Variants in ERI3 observed in about 807,000 individuals in gnomAD.
ERI3 encodes ERI1 exoribonuclease 3.
A neutral mutation model predicts 44.4 loss-of-function variants in ERI3; 18 were observed. The ratio of observed to expected loss-of-function variants is 0.41; its 90% confidence interval spans 0.28 to 0.60. The LOEUF is 0.60. Among genes scored for constraint, ERI3 ranks in the 20% least tolerant of loss-of-function variants. The pLI is 0.36. For missense variants in ERI3, 294 were observed against 435.5 expected, an observed-to-expected ratio of 0.68 and a Z score of 2.89; for synonymous variants, 183 against 164.8, an observed-to-expected ratio of 1.11 and a Z score of -0.84.
At chr1:44,272,260 C>A (rs1007465668) in intron 7 of ERI3, among the ~76,000 whole-genome samples, 9 of 151,976 alleles carry the variant, frequency 5.9e-5, no homozygotes, top group Non-Finnish European at 1.0e-4. Flanking sequence ...ATCAGGTCTA[C>A]TTGACTCCAG....
At chr1:44,291,136 A>C (rs558569964) in intron 6 of ERI3, among the ~76,000 whole-genome samples, 25 of 152,306 alleles carry the variant, frequency 1.6e-4, no homozygotes, top group South Asian at 1.4e-3. Context: ...CAAGCTAGGA[A>C]ATAGGGGTTT....
At chr1:44,326,465 G>A (rs1572286859) in intron 3 of ERI3, among the ~76,000 whole-genome samples, 1 of 152,152 alleles carries the variant, frequency 6.6e-6, no homozygotes, top group Non-Finnish European at 1.5e-5. Context: ...ACAAACACTC[G>A]TGGTTTTGAT....
intron 3 of ERI3, among the ~76,000 whole-genome samples, chr1:44,337,479 A>G (rs1572321777): frequency 2.0e-5 from 3 of 152,238 alleles, no homozygotes; most frequent in Middle Eastern, 3.2e-3. Flanking sequence ...TTGGGGAGGC[A>G]TGGAAGAAGA....
intron 8 of ERI3, among the ~76,000 whole-genome samples, chr1:44,223,182 A>G (rs184756852): frequency 6.6e-6 from 1 of 152,174 alleles, no homozygotes; most frequent in Admixed American, 6.5e-5. Context: ...GGAAAGACAG[A>G]TGGGTGGGTA....
intron 8 of ERI3, among the ~76,000 whole-genome samples, chr1:44,223,263 C>T (rs1309393901): frequency 6.6e-6 from 1 of 152,142 alleles, no homozygotes; most frequent in Non-Finnish European, 1.5e-5. Context: ...CCCCGCTCAG[C>T]TGAGGCCCCA....
In ERI3 at chr1:44,241,968, G is replaced by A. The variant is rs1369591372; in HGVS notation, c.931+5971C>T. ...GGTTGCTACTGAAGAACAGTCTGGTGTCTGGCAAGAACCAATTCCTCAGAT... is the reference window on the plus strand; with the variant it reads ...GGTTGCTACTGAAGAACAGTCTGGTATCTGGCAAGAACCAATTCCTCAGAT... On this transcript the variant is annotated intron_variant, in intron 8 of 8. Coordinates refer to ENST00000372257, the MANE Select transcript of ERI3 (RefSeq NM_024066.3). This position sits in a 1 kb window ranked among gnomAD's most constrained non-coding sequence, Gnocchi z 5.6. 1.0e-4 allele frequency: 101 copies of A among 985,556 alleles called. No individual in the cohort carries two copies. Among genetic ancestry groups the A allele is most frequent in the Non-Finnish European group, 1.1e-4 (95 of 830,002 alleles). 61.1% of individuals were successfully genotyped at this position (985,556 alleles called of 1,614,324 possible). A position where few individuals can be genotyped will look rare whatever the true frequency, so the allele number is the denominator to read the frequency against.
intron 2 of ERI3, among the ~76,000 whole-genome samples, chr1:44,351,867 C>T (rs1341654920): frequency 6.6e-6 from 1 of 151,898 alleles, no homozygotes; most frequent in Non-Finnish European, 1.5e-5. Context: ...TTTGAGGGTT[C>T]GTTTAATTCT....
At chr1:44,304,482 G>C (rs1406541502) in intron 6 of ERI3, among the ~76,000 whole-genome samples, 1 of 152,154 alleles carries the variant, frequency 6.6e-6, no homozygotes, top group Non-Finnish European at 1.5e-5. Context: ...ATGATTTCAA[G>C]AAGACTGAAG....
At chr1:44,282,768 T>C (rs1557816662) in intron 7 of ERI3, among the ~76,000 whole-genome samples, 1 of 152,196 alleles carries the variant, frequency 6.6e-6, no homozygotes, top group East Asian at 1.9e-4. Context: ...CTTGCTCAGC[T>C]TACCTCACAC....
chr1:44,320,156 C>T (rs564246322), intron 3 of ERI3, among the ~76,000 whole-genome samples: 2 of 152,252 alleles, frequency 1.3e-5, no homozygotes, highest in South Asian at 2.1e-4. Flanking sequence ...AGCCATCAGA[C>T]CAATGCATAG....
intron 8 of ERI3, among the ~76,000 whole-genome samples, chr1:44,246,852 A>G (rs1476838864): frequency 6.6e-6 from 1 of 152,196 alleles, no homozygotes; most frequent in East Asian, 1.9e-4. Context: ...ACTCTGAAGG[A>G]GGTGACTGGG....
chr1:44,341,248 A>G (rs1402563251), intron 2 of ERI3, among the ~76,000 whole-genome samples: 1 of 152,238 alleles, frequency 6.6e-6, no homozygotes, highest in Non-Finnish European at 1.5e-5. Flanking sequence ...CATCTGTAAA[A>G]TGACAATAAC....
intron 7 of ERI3, chr1:44,283,976 G>A (rs1012839330): frequency 2.1e-6 from 1 of 469,748 alleles, no homozygotes; most frequent in African/African-American, 2.0e-5. Context: ...AGCCCCCTGG[G>A]AGCCACTACC....
intron 8 of ERI3, among the ~76,000 whole-genome samples, chr1:44,232,288 G>A (rs1644203577): frequency 6.6e-6 from 1 of 152,128 alleles, no homozygotes; most frequent in African/African-American, 2.4e-5. Context: ...GCTATTTCAG[G>A]CTGGGAAGTT....
At chr1:44,248,702 AGT>A (rs143570480) in intron 7 of ERI3, among the ~76,000 whole-genome samples, 1,840 of 148,270 alleles carry the variant, frequency 0.012, 10 homozygotes, top group Non-Finnish European at 0.016. Flanking sequence ...TGTGAGAGAG[AGT>A]GTGTGTGTGT....
chr1:44,283,056 T>C (rs1645321157), intron 7 of ERI3, among the ~76,000 whole-genome samples: 1 of 152,196 alleles, frequency 6.6e-6, no homozygotes. Flanking sequence ...ACAGGGTAAT[T>C]GTTCATGGTC....
intron 7 of ERI3, among the ~76,000 whole-genome samples, chr1:44,261,794 C>T (rs1644900076): frequency 1.3e-5 from 2 of 152,234 alleles, no homozygotes; most frequent in South Asian, 4.1e-4. Flanking sequence ...CCATCTACTC[C>T]CAGCTTCCCA....
intron 3 of ERI3, among the ~76,000 whole-genome samples, chr1:44,327,111 C>T (rs1646332572): frequency 2.6e-5 from 4 of 152,340 alleles, no homozygotes; most frequent in South Asian, 2.1e-4. Flanking sequence ...GGGCACCAAA[C>T]AACCAAATGA....
chr1:44,341,952 C>T (rs567006631), intron 2 of ERI3, among the ~76,000 whole-genome samples: 2 of 152,226 alleles, frequency 1.3e-5, no homozygotes, highest in South Asian at 4.1e-4. Context: ...TGAGAGTAGA[C>T]ATTAGGAGGT....
Sources: gnomAD v4.1 joint callset for allele counts (sites outside exome capture counted in the v4.1 genomes callset) on GRCh38, gnomAD v4.1.1 for gene constraint, Gnocchi (gnomAD v3.1) non-coding constraint, MANE v1.5 for transcripts, NCBI Gene and HGNC (gene_info 2026-07-23, HGNC 2026-07-21) for gene names.